The following SCLT1 variants were observed in gnomAD, a reference collection of about 807,000 sequenced individuals.
SCLT1 encodes sodium channel-associated protein 1.
In SCLT1, 78 loss-of-function variants were observed where a neutral mutation model predicts 112.8. The observed-to-expected ratio is 0.69, with a 90% CI of 0.58 to 0.83. The LOEUF (loss-of-function observed/expected upper bound fraction) is 0.83. Ranked by LOEUF, SCLT1 falls within the 40% of genes least tolerant of loss-of-function variation. SCLT1 has a pLI of 0.00. For missense variants in SCLT1, 747 were observed against 770.4 expected (o/e 0.97, Z 0.36); for synonymous variants, 257 against 254.7 (o/e 1.01, Z -0.09).
chr4:129,016,319 C>G (rs1364263481), intron 5 of SCLT1, among the ~76,000 whole-genome samples: 1 of 134,012 alleles, frequency 7.5e-6, no homozygotes, highest in African/African-American at 2.6e-5. Flanking sequence ...CTGATGCTTT[C>G]CTCCCCCATC....
At chr4:128,962,116 TTTTG>T (rs1218057654) in intron 11 of SCLT1, among the ~76,000 whole-genome samples, 1 of 152,190 alleles carries the variant, frequency 6.6e-6, no homozygotes, top group African/African-American at 2.4e-5. Flanking sequence ...AGCTTCCTGT[TTTTG>T]TTTTTGTTTG....
intron 9 of SCLT1, among the ~76,000 whole-genome samples, chr4:128,976,834 T>C (rs973643445): frequency 1.3e-5 from 2 of 152,022 alleles, no homozygotes; most frequent in African/African-American, 2.4e-5. Flanking sequence ...AGCACAAGCA[T>C]AAAGGTAGGT....
chr4:128,916,753 C>T (rs1405676822), intron 18 of SCLT1, among the ~76,000 whole-genome samples: 1 of 152,090 alleles, frequency 6.6e-6, no homozygotes, highest in Non-Finnish European at 1.5e-5. Flanking sequence ...GCAATGTGTC[C>T]TTGTATCATA....
intron 18 of SCLT1, among the ~76,000 whole-genome samples, chr4:128,922,340 C>T (rs1036965252): frequency 4.6e-5 from 7 of 152,074 alleles, no homozygotes; most frequent in Admixed American, 2.0e-4. Context: ...ACTACAAAGA[C>T]GCATGCTTGT....
chr4:128,909,260 C>CT (rs923096412), intron 18 of SCLT1, among the ~76,000 whole-genome samples: 14 of 152,026 alleles, frequency 9.2e-5, no homozygotes, highest in African/African-American at 3.4e-4. Context: ...AATTTTCTTT[C>CT]TTTTTTTACA....
chr4:129,054,368 C>T (rs527280488), intron 2 of SCLT1, among the ~76,000 whole-genome samples: 4 of 152,040 alleles, frequency 2.6e-5, no homozygotes, highest in Admixed American at 6.6e-5. Context: ...CCATTTTCTC[C>T]GTCACTTTCA....
chr4:129,086,803 G>A (rs1752433175), intron 1 of SCLT1, among the ~76,000 whole-genome samples: 1 of 150,530 alleles, frequency 6.6e-6, no homozygotes, highest in Non-Finnish European at 1.5e-5. Context: ...CTCAAAGGAT[G>A]AGGAGGTCAA....
chr4:129,006,759 T>G (rs1744066220), intron 5 of SCLT1, among the ~76,000 whole-genome samples: 1 of 152,128 alleles, frequency 6.6e-6, no homozygotes. Flanking sequence ...GCTTGCTGTC[T>G]CTCACCGAGT....
chr4:128,937,365 A>C (rs1158554913), intron 17 of SCLT1, among the ~76,000 whole-genome samples: 2 of 152,122 alleles, frequency 1.3e-5, no homozygotes, highest in African/African-American at 2.4e-5. Flanking sequence ...TTATGTCAGT[A>C]AAACTAGAAT....
intron 9 of SCLT1, among the ~76,000 whole-genome samples, chr4:128,980,756 A>C (rs1741573986): frequency 6.6e-6 from 1 of 152,226 alleles, no homozygotes; most frequent in African/African-American, 2.4e-5. Flanking sequence ...TTCATTGTGC[A>C]AAGCTTCTAT....
At chr4:128,994,677 TTGTC>T (rs1742859032) in intron 8 of SCLT1, among the ~76,000 whole-genome samples, 1 of 152,108 alleles carries the variant, frequency 6.6e-6, no homozygotes, top group Non-Finnish European at 1.5e-5. Context: ...TCAACACGTG[TTGTC>T]TTTTTTGTTT....
At chr4:129,053,039 T>G (rs186323794) in intron 2 of SCLT1, among the ~76,000 whole-genome samples, 95 of 152,326 alleles carry the variant, frequency 6.2e-4, no homozygotes, top group African/African-American at 2.0e-3. Flanking sequence ...TGTGTGGTTT[T>G]GAGTGAGTTT....
intron 11 of SCLT1, among the ~76,000 whole-genome samples, chr4:128,962,009 TC>T (rs1739780197): frequency 1.3e-5 from 2 of 152,194 alleles, no homozygotes. Flanking sequence ...CTTCAGGGGT[TC>T]CAGCCTGCCT....
At chr4:128,981,661 A>G (rs1240106524) in intron 9 of SCLT1, among the ~76,000 whole-genome samples, 14 of 151,860 alleles carry the variant, frequency 9.2e-5, no homozygotes, top group Admixed American at 8.5e-4. Flanking sequence ...CCTACCCGCC[A>G]AATTATCCTT....
intron 5 of SCLT1, among the ~76,000 whole-genome samples, chr4:129,016,588 T>G (rs1396367744): frequency 2.6e-5 from 4 of 152,230 alleles, no homozygotes; most frequent in African/African-American, 9.6e-5. Context: ...CATTTAAAAG[T>G]ACAGTGGCAT....
chr4:129,007,860 A>C (rs975222488), intron 5 of SCLT1, among the ~76,000 whole-genome samples: 2 of 152,148 alleles, frequency 1.3e-5, no homozygotes, highest in Non-Finnish European at 1.5e-5. Flanking sequence ...ATTACATTTT[A>C]TTATTCCACT....
chr4:128,914,048 T>C (rs903968314), intron 18 of SCLT1, among the ~76,000 whole-genome samples: 8 of 152,104 alleles, frequency 5.3e-5, no homozygotes, highest in Non-Finnish European at 4.4e-5. Context: ...CACTGGGCGA[T>C]TTGGATATCA....
chr4:128,997,753 C>A (rs1743132940), intron 8 of SCLT1, 121 bp downstream of exon 8: 1 of 494,008 alleles, frequency 2.0e-6, no homozygotes, highest in Non-Finnish European at 3.6e-6. Context: ...AAAGCAAAAG[C>A]AAAAGAAAAA....
intron 4 of SCLT1, chr4:128,876,483 A>AAT (rs1256268018): frequency 1.3e-5 from 2 of 152,322 alleles, no homozygotes; most frequent in East Asian, 1.9e-4. Flanking sequence ...TTTTCACCCA[A>AAT]ATCACTGAAA....
Sources: gnomAD v4.1 joint callset for allele counts (sites outside exome capture counted in the v4.1 genomes callset) on GRCh38, gnomAD v4.1.1 for gene constraint, MANE v1.5 for transcripts, NCBI Gene and HGNC (gene_info 2026-07-23, HGNC 2026-07-21) for gene names.